STMND1: variants seen among roughly 807,000 people sequenced by gnomAD.
STMND1 encodes the protein stathmin domain-containing protein 1.
STMND1 carries 17 observed loss-of-function variants against 23.0 expected under a neutral mutation model. The ratio of observed to expected loss-of-function variants is 0.74; its 90% CI spans 0.51 to 1.11. The LOEUF is 1.11. Among genes scored for constraint, STMND1 ranks in the 50% least tolerant of loss-of-function variants. The pLI, the probability that STMND1 is intolerant of heterozygous loss-of-function variation, is 0.00. For synonymous variants in STMND1, 114 were observed against 119.9 expected, an observed-to-expected ratio of 0.95 and a Z score of 0.32; for missense variants, 305 against 329.1, an observed-to-expected ratio of 0.93 and a Z score of 0.57.
At chr6:17,114,698 T>C (rs1367707228) in intron 1 of STMND1, among the ~76,000 whole-genome samples, 1 of 152,122 alleles carries the variant, frequency 6.6e-6, no homozygotes, top group Non-Finnish European at 1.5e-5. Flanking sequence ...GTAATGTGAG[T>C]GATGAGGAGC....
chr6:17,110,868 G>A lies in STMND1; in HGVS notation c.82-4094G>A, dbSNP rs547564777. ...TCTTATCTCTTCTGGAGACACTGAG[G>A]AGACTTCCTGTGGTATGTGTGTCTT... is the stretch of plus-strand genomic sequence containing the variant. On this transcript the variant is annotated intron_variant, in intron 1 of 4. Transcript: ENST00000536551. The A allele has an allele frequency of 1.6e-4, 74 of 456,042 alleles. No homozygotes were observed. In the East Asian group the frequency reaches 2.3e-3, roughly 14 times the overall value. The allele number at this position is 456,042 out of a possible 1,614,324, so 28.2% of individuals were successfully genotyped here.
In STMND1 at chr6:17,102,462, A is replaced by T. The variant is rs774911085; in HGVS notation, c.81+124A>T. ...GGAGCAGGGTCGGTCGAGGCTAGTT[A>T]ACAGGTGGGAGCAACTTTATTCTGC... On this transcript the variant is annotated intron_variant, in intron 1 of 4. Transcript: ENST00000536551. 111 of 1,104,406 alleles carry T rather than the reference A, an allele frequency of 1.0e-4. No individual in the cohort carries two copies. The Middle Eastern group carries it at 4.3e-3, about 43-fold the overall frequency. The allele number at this position is 1,104,406 out of a possible 1,614,324, so 68.4% of individuals were successfully genotyped here.
At position 17,129,226 on chromosome 6, in the gene STMND1, G is replaced by A. The variant is rs1761351851; in HGVS notation, c.526G>A (p.Ala176Thr). ...GGACATCGAGGAGAAGATGGAGGCT[G>A]CCGAGGAGCGCAGGAAGGTAGTGAG... ...MKDIEEKMEAAEERRKTKEEE... is the reference protein window; with the variant it reads ...MKDIEEKMEATEERRKTKEEE... The change falls in exon 4 of 5, where the codon GCC becomes ACC. Residue 176 changes from alanine to threonine, a missense_variant. Coordinates refer to ENST00000536551, the MANE Select transcript of STMND1 (RefSeq NM_001190766.2). The A allele has an allele frequency of 1.3e-6, 2 of 1,535,844 alleles. No homozygotes were observed. Among genetic ancestry groups the A allele is most frequent in the African/African-American group, 2.7e-5 (2 of 73,050 alleles).
In STMND1 at chr6:17,102,369, AACAG is replaced by A. The variant is rs765701384; in HGVS notation, c.81+37_81+40del. On this transcript the variant is annotated intron_variant, in intron 1 of 4. Coordinates refer to ENST00000536551, the MANE Select transcript of STMND1 (RefSeq NM_001190766.2). ...AAACAAACAAACAAACAAACAAACA[AACAG>A]ACAGAAAGCCTTTTGCCTGGGAGGT... The A allele has an allele frequency of 2.4e-3, 3,564 of 1,508,590 alleles. 35 individuals carry two copies. The highest frequency in any genetic ancestry group is 1.6e-3 in the Non-Finnish European group (1,845 of 1,126,714). The allele number at this position is 1,508,590 out of a possible 1,614,324, so 93.5% of individuals were successfully genotyped here.
intron 3 of STMND1, among the ~76,000 whole-genome samples, chr6:17,127,353 C>G (rs956183584): frequency 1.3e-5 from 2 of 152,060 alleles, no homozygotes; most frequent in Non-Finnish European, 2.9e-5. Context: ...AGTTCAAGAC[C>G]AGCCTGGCCA....
chr6:17,117,590 C>T (rs11962020), intron 2 of STMND1, among the ~76,000 whole-genome samples: 4,683 of 150,468 alleles, frequency 0.031, 243 homozygotes, highest in African/African-American at 0.11. Context: ...ATTTGGAAAG[C>T]AGAAAACATT....
chr6:17,123,157 G>T (rs1157515653), intron 3 of STMND1, among the ~76,000 whole-genome samples: 1 of 152,098 alleles, frequency 6.6e-6, no homozygotes, highest in African/African-American at 2.4e-5. Flanking sequence ...CTTTGCAATG[G>T]AGCCTGCAAG....
At chr6:17,105,690 G>T (rs777467638) in intron 1 of STMND1, among the ~76,000 whole-genome samples, 1 of 151,072 alleles carries the variant, frequency 6.6e-6, no homozygotes, top group African/African-American at 2.4e-5. Flanking sequence ...ACTTTGGGAG[G>T]CTGAGGCGGG....
chr6:17,104,710 T>C (rs76651167), intron 1 of STMND1, among the ~76,000 whole-genome samples: 4 of 152,232 alleles, frequency 2.6e-5, no homozygotes, highest in African/African-American at 9.6e-5. Flanking sequence ...AAATAAAATC[T>C]GATTATCTCA....
At chr6:17,129,564 G>T (rs978689793) in intron 4 of STMND1, among the ~76,000 whole-genome samples, 1 of 151,768 alleles carries the variant, frequency 6.6e-6, no homozygotes. Context: ...AAAATTGTTG[G>T]CCAGGCGCGG....
Position 17,130,890 on chromosome 6 carries a change from T to C in STMND1, c.*9T>C. On this transcript the variant is annotated 3_prime_UTR_variant, in exon 5 of 5. Coordinates refer to ENST00000536551, the MANE Select transcript of STMND1 (RefSeq NM_001190766.2). ...ATGACATAGTCTACTAAGCCATTTT[T>C]TGTGAATTTCATAAGAAAGCATTCA... is the stretch of plus-strand genomic sequence containing the variant. The C allele has an allele frequency of 1.3e-6, 2 of 1,496,094 alleles. No individual in the cohort carries two copies. The highest frequency in any genetic ancestry group is 1.8e-6 in the Non-Finnish European group (2 of 1,124,722). The allele number at this position is 1,496,094 out of a possible 1,614,324, so 92.7% of individuals were successfully genotyped here. A position where few individuals can be genotyped will look rare whatever the true frequency, so the allele number is the denominator to read the frequency against.
chr6:17,113,854 G>A (rs1419129384), intron 1 of STMND1, among the ~76,000 whole-genome samples: 2 of 152,094 alleles, frequency 1.3e-5, no homozygotes, highest in African/African-American at 4.8e-5. Flanking sequence ...CTCACACTCA[G>A]TGCTGAGCTT....
In STMND1 at chr6:17,112,150, G is replaced by A. The variant is rs566986819; in HGVS notation, c.82-2812G>A. ...GGCTACCCATTGATAGTCAATCCTC[G>A]TTCCCCCACCCTAAGCAATCAATAA... On this transcript the variant is annotated intron_variant, in intron 1 of 4. Coordinates refer to ENST00000536551, the MANE Select transcript of STMND1 (RefSeq NM_001190766.2). Among the ~76,000 whole-genome samples the A allele has an allele frequency of 1.4e-4, 21 of 152,134 alleles. No homozygotes were observed. In the South Asian group the frequency reaches 2.7e-3, roughly 20 times the overall value.
intron 1 of STMND1, among the ~76,000 whole-genome samples, chr6:17,104,196 AACTC>A (rs546963655): frequency 1.5e-3 from 222 of 152,212 alleles, no homozygotes; most frequent in African/African-American, 4.9e-3. Flanking sequence ...TGGCCTGGTG[AACTC>A]ATGATCACTT....
chr6:17,129,369 T>C, intron 4 of STMND1, 126 bp downstream of exon 4: 1 of 948,978 alleles, frequency 1.1e-6, no homozygotes, highest in East Asian at 3.1e-5. Flanking sequence ...ATTTTTTTTA[T>C]TATTTTACTA....
chr6:17,106,403 T>C lies in STMND1; in HGVS notation c.81+4065T>C, dbSNP rs1163810034. On this transcript the variant is annotated intron_variant, in intron 1 of 4. Transcript: ENST00000536551. ...TTCTTACTACACTGCCTGATACTGA[T>C]CAGGCACTAATGAATCTTTCTTGAG... Among the ~76,000 whole-genome samples, 4 of 152,224 alleles carry C rather than the reference T, an allele frequency of 2.6e-5. No individual in the cohort carries two copies. The South Asian group carries it at 8.3e-4, about 31-fold the overall frequency.
chr6:17,130,968 C>T lies in STMND1; in HGVS notation c.*87C>T, dbSNP rs928501600. 26 of 1,248,928 alleles carry T rather than the reference C, an allele frequency of 2.1e-5. No individual in the cohort carries two copies. The highest frequency in any genetic ancestry group is 2.8e-5 in the Non-Finnish European group (26 of 925,392). 77.4% of individuals were successfully genotyped at this position (1,248,928 alleles called of 1,614,324 possible). A position where few individuals can be genotyped will look rare whatever the true frequency, so the allele number is the denominator to read the frequency against. On this transcript the variant is annotated 3_prime_UTR_variant, in exon 5 of 5. Transcript: ENST00000536551. ...TGTCTCATATTCTTTGACTGACTGA[C>T]CTCATTCCACTGGGATTTCTGCCTT... is the stretch of plus-strand genomic sequence containing the variant.
chr6:17,126,050 ATATATATATATATATATATATTTTTT>A (rs1761292050), intron 3 of STMND1, among the ~76,000 whole-genome samples: 1 of 28,150 alleles, frequency 3.6e-5, no homozygotes, highest in African/African-American at 1.9e-4. Flanking sequence ...ATATATATAT[ATATATATATATATATATATATTTTTT>A]TTTTTTTTTT....
chr6:17,127,239 T>A (rs1202516170), intron 3 of STMND1, among the ~76,000 whole-genome samples: 1 of 152,058 alleles, frequency 6.6e-6, no homozygotes. Context: ...GCTTGCAGAG[T>A]TTAAGGAATC....
Sources: allele counts gnomAD v4.1 joint callset (sites outside exome capture counted in the v4.1 genomes callset), GRCh38; gene constraint gnomAD v4.1.1; transcripts MANE v1.5; gene names NCBI Gene and HGNC (gene_info 2026-07-23, HGNC 2026-07-21).